The following TRIM3 variants were observed in gnomAD, a reference collection of about 807,000 sequenced individuals.
TRIM3 encodes tripartite motif containing 3.
Under a neutral mutation model 66.6 loss-of-function variants are expected in TRIM3, and 13 were observed. The observed-to-expected ratio is 0.20, with a 90% CI of 0.13 to 0.31. The LOEUF (loss-of-function observed/expected upper bound fraction) is 0.31. Ranked by LOEUF, TRIM3 falls within the 10% of genes least tolerant of loss-of-function variation. The pLI is 1.00. For missense variants in TRIM3, 711 were observed against 1,020.4 expected, an observed-to-expected ratio of 0.70 and a Z score of 4.13; for synonymous variants, 406 against 411.7, an observed-to-expected ratio of 0.99 and a Z score of 0.17.
In TRIM3 at chr11:6,457,001, C is replaced by G; in HGVS notation, c.725G>C (p.Arg242Pro). The G allele has an allele frequency of 6.3e-7, 1 of 1,596,216 alleles. No individual in the cohort carries two copies. Among genetic ancestry groups the G allele is most frequent in the Non-Finnish European group, 8.5e-7 (1 of 1,171,094 alleles). ...KVLQSQLDTL[R>P]QGQEHIGSSC... is the part of the protein sequence containing the mutation. ...ACTGCCGATGTGTTCCTGACCCTGG[C>G]GCAGTGTGTCCAGCTGGCTTTGCAA... The change falls in exon 6 of 12, where the codon CGC becomes CCC. Residue 242 changes from arginine to proline, a missense_variant. Transcript: ENST00000345851. This position sits in a 1 kb window ranked among gnomAD's most constrained non-coding sequence, Gnocchi z 4.5.
chr11:6,453,686 CA>C (rs1197547281), intron 7 of TRIM3, among the ~76,000 whole-genome samples: 4 of 152,218 alleles, frequency 2.6e-5, no homozygotes, highest in African/African-American at 9.6e-5. Context: ...GACAATTACA[CA>C]AGGACATAAT....
In TRIM3 at chr11:6,457,907, C is replaced by T; in HGVS notation, c.364-60G>A. 6.2e-7 allele frequency: 1 copy of T among 1,600,372 alleles called. No individual in the cohort carries two copies. Among genetic ancestry groups the T allele is most frequent in the Non-Finnish European group, 8.5e-7 (1 of 1,171,060 alleles). On this transcript the variant is annotated intron_variant, in intron 3 of 11. Coordinates refer to ENST00000345851, the MANE Select transcript of TRIM3 (RefSeq NM_033278.4). This position sits in a 1 kb window ranked among gnomAD's most constrained non-coding sequence, Gnocchi z 4.5. ...GACATCACACTTCTTTGTCCCCTCC[C>T]CACCTGCCCTCCCTGCCCCTCACCT...
chr11:6,458,393 G>A lies in TRIM3; in HGVS notation c.132-97C>T. On this transcript the variant is annotated intron_variant, in intron 2 of 11. Coordinates refer to ENST00000345851, the MANE Select transcript of TRIM3 (RefSeq NM_033278.4). This position sits in a 1 kb window ranked among gnomAD's most constrained non-coding sequence, Gnocchi z 6.2. ...TGGGTGCCAACCCCTTCCCTCACAG[G>A]TGTGCCATTACACTTCATTTTAAAA... 2 of 972,768 alleles carry A rather than the reference G, an allele frequency of 2.1e-6. No individual in the cohort carries two copies. The highest frequency in any genetic ancestry group is 1.6e-6 in the Non-Finnish European group (1 of 642,366). 60.3% of individuals were successfully genotyped at this position (972,768 alleles called of 1,614,324 possible).
chr11:6,458,206 C>G lies in TRIM3; in HGVS notation c.222G>C (p.Ser74=), dbSNP rs200316045. The part of the protein sequence containing the change: ...QTSILPEQGV[S]ALQNNFFISS... ...TGATGAAGAAGTTGTTCTGCAGTGC[C>G]GAGACGCCCTGCTCTGGGAGGATGG... is the stretch of plus-strand genomic sequence containing the variant. Residue 74 remains serine, a synonymous_variant, in exon 3 of 12, where the codon TCG becomes TCC. Coordinates refer to ENST00000345851, the MANE Select transcript of TRIM3 (RefSeq NM_033278.4). The surrounding 1 kb of genome is among the most constrained non-coding windows in gnomAD (Gnocchi z 6.2). 1.2e-6 allele frequency: 2 copies of G among 1,614,088 alleles called. No homozygotes were observed. Among genetic ancestry groups the G allele is most frequent in the Non-Finnish European group, 1.7e-6 (2 of 1,180,048 alleles).
intron 2 of TRIM3, among the ~76,000 whole-genome samples, chr11:6,460,686 G>C (rs181427131): frequency 6.6e-6 from 1 of 152,278 alleles, no homozygotes; most frequent in African/African-American, 2.4e-5. Context: ...CATCAGAACT[G>C]AAGGCAGCTG....
In TRIM3 at chr11:6,465,752, G is replaced by A; in HGVS notation, c.-37-20C>T. On this transcript the variant is annotated intron_variant, in intron 1 of 11. Transcript: ENST00000345851. ...CAGCCTCTGTATGGAGAGATGGTCA[G>A]CACCAGGGAGTCCAGAACTTCTTCT... is the stretch of plus-strand genomic sequence containing the variant. 6.2e-7 allele frequency: 1 copy of A among 1,603,576 alleles called. No individual in the cohort carries two copies. Among genetic ancestry groups the A allele is most frequent in the Non-Finnish European group, 8.5e-7 (1 of 1,173,048 alleles).
intron 2 of TRIM3, among the ~76,000 whole-genome samples, chr11:6,459,644 G>C (rs1850138388): frequency 6.6e-6 from 1 of 152,192 alleles, no homozygotes; most frequent in Non-Finnish European, 1.5e-5. Context: ...AAGTGAAGAA[G>C]ACCTGGATTT....
rs180928266 is a variant in TRIM3, at chr11:6,470,422, G to A, written c.-38+3369C>T. On this transcript the variant is annotated intron_variant, in intron 1 of 11. Transcript: ENST00000345851. The stretch of plus-strand genomic sequence containing the variant: ...TTTCAGTTTTGTTTTTGTTTTTTAA[G>A]AGACAGGGTCTTACTCTGTTGTCCA... 5.9e-5 allele frequency among the ~76,000 whole-genome samples: 9 copies of A among 152,274 alleles called. No individual in the cohort carries two copies. The East Asian group carries it at 1.7e-3, about 29-fold the overall frequency.
At chr11:6,469,111 TG>T (rs1850581085) in intron 1 of TRIM3, among the ~76,000 whole-genome samples, 1 of 152,196 alleles carries the variant, frequency 6.6e-6, no homozygotes, top group Non-Finnish European at 1.5e-5. Context: ...GATTGAAGGT[TG>T]GCGGAAGGAC....
chr11:6,474,132 T>TAGGGAGCC (rs1274453185), upstream of TRIM3: 3 of 146,300 alleles, frequency 2.1e-5, no homozygotes, highest in African/African-American at 7.6e-5. Context: ...TTGGTGCTGC[T>TAGGGAGCC]AGGGAGCCGG....
chr11:6,472,774 A>G (rs1267505712), intron 1 of TRIM3, among the ~76,000 whole-genome samples: 1 of 152,224 alleles, frequency 6.6e-6, no homozygotes, highest in African/African-American at 2.4e-5. Flanking sequence ...GCTTAATATA[A>G]GGAAGCTTTT....
intron 2 of TRIM3, among the ~76,000 whole-genome samples, chr11:6,464,600 A>G (rs1440659972): frequency 4.6e-5 from 7 of 152,362 alleles, no homozygotes; most frequent in Middle Eastern, 3.4e-3. Context: ...TAAGTGATGG[A>G]TACCTTAAAT....
At chr11:6,453,141 T>C (rs567276838) in intron 7 of TRIM3, 1 of 152,362 alleles carries the variant, frequency 6.6e-6, no homozygotes, top group African/African-American at 2.4e-5. Context: ...GCAGCACTGA[T>C]ATGGCATTTG....
At chr11:6,470,869 C>T (rs1312076424) in intron 1 of TRIM3, among the ~76,000 whole-genome samples, 1 of 152,178 alleles carries the variant, frequency 6.6e-6, no homozygotes, top group Non-Finnish European at 1.5e-5. Flanking sequence ...ACCAGAGAAG[C>T]AAGAGAATCA....
At chr11:6,454,498 C>CA (rs913071322) in intron 7 of TRIM3, among the ~76,000 whole-genome samples, 19 of 151,992 alleles carry the variant, frequency 1.3e-4, no homozygotes, top group African/African-American at 4.6e-4. Flanking sequence ...GTGTGCACAA[C>CA]AGAGAAGGGG....
upstream of TRIM3, chr11:6,474,025 C>A (rs1850829672): frequency 6.6e-6 from 1 of 150,978 alleles, no homozygotes; most frequent in Non-Finnish European, 1.5e-5. Flanking sequence ...CACGCCCCGC[C>A]CGCCGCCGCG....
At chr11:6,464,007 G>C (rs753399592) in intron 2 of TRIM3, among the ~76,000 whole-genome samples, 1 of 152,212 alleles carries the variant, frequency 6.6e-6, no homozygotes, top group Admixed American at 6.5e-5. Context: ...GAAGGCAGAG[G>C]AAAAGTGCGG....
intron 1 of TRIM3, among the ~76,000 whole-genome samples, chr11:6,471,364 CT>C (rs1009485719): frequency 2.3e-4 from 35 of 152,342 alleles, no homozygotes; most frequent in African/African-American, 7.7e-4. Context: ...TGACAAATGA[CT>C]GCAGGTTACA....
In TRIM3 at chr11:6,458,328, G is replaced by A; in HGVS notation, c.132-32C>T. On this transcript the variant is annotated intron_variant, in intron 2 of 11. Transcript: ENST00000345851. This position sits in a 1 kb window ranked among gnomAD's most constrained non-coding sequence, Gnocchi z 6.2. ...AGGAAGGAGAGTCAAAGAACAGAGT[G>A]GGTGGGGTGGCATAAGTGCACCCTT... 6.3e-7 allele frequency: 1 copy of A among 1,578,264 alleles called. No homozygotes were observed. The highest frequency in any genetic ancestry group is 8.7e-7 in the Non-Finnish European group (1 of 1,151,624).
Sources: allele counts gnomAD v4.1 joint callset (sites outside exome capture counted in the v4.1 genomes callset), GRCh38; gene constraint gnomAD v4.1.1; non-coding constraint Gnocchi (gnomAD v3.1); transcripts MANE v1.5; gene names NCBI Gene and HGNC (gene_info 2026-07-23, HGNC 2026-07-21).